Variants in XPC observed in about 807,000 individuals in gnomAD.
XPC encodes the protein DNA repair protein complementing XP-C cells.
In XPC, 76 loss-of-function variants were observed where a neutral mutation model predicts 95.8. The ratio of observed to expected loss-of-function variants is 0.79; its 90% CI spans 0.66 to 0.96. XPC has a LOEUF of 0.96. XPC is among the 40% of genes least tolerant of loss of function. XPC has a pLI of 0.00. For synonymous variants in XPC, 442 were observed against 442.1 expected, an observed-to-expected ratio of 1.00 and a Z score of 0.00; for missense variants, 1,146 against 1,179.8, an observed-to-expected ratio of 0.97 and a Z score of 0.42.
chr3:14,172,441 A>C (rs1162420584), intron 2 of XPC, among the ~76,000 whole-genome samples: 2 of 152,228 alleles, frequency 1.3e-5, no homozygotes, highest in African/African-American at 4.8e-5. Context: ...GAATACCATG[A>C]GCACAATGCA....
intron 1 of XPC, among the ~76,000 whole-genome samples, chr3:14,178,140 C>CTGG (rs1696910462): frequency 1.3e-5 from 2 of 152,208 alleles, no homozygotes; most frequent in African/African-American, 4.8e-5. Context: ...CGTCCTGGTC[C>CTGG]GTCCGTCTGT....
intron 2 of XPC, among the ~76,000 whole-genome samples, chr3:14,172,004 G>T (rs574592149): frequency 6.6e-6 from 1 of 152,216 alleles, no homozygotes; most frequent in African/African-American, 2.4e-5. Flanking sequence ...CTGGCAGTGA[G>T]GATTTGTTTA....
intron 2 of XPC, 120 bp downstream of exon 2, chr3:14,172,747 G>C: frequency 8.5e-7 from 1 of 1,178,948 alleles, no homozygotes; most frequent in Admixed American, 2.9e-5. Flanking sequence ...GTACCTAGAA[G>C]AATTTAAAGA....
At chr3:14,165,183 A>C (rs1291382878) in intron 6 of XPC, among the ~76,000 whole-genome samples, 1 of 151,570 alleles carries the variant, frequency 6.6e-6, no homozygotes, top group African/African-American at 2.4e-5. Flanking sequence ...TCCCCAGAAC[A>C]CCCCTTCCAG....
chr3:14,145,375 C>A lies in XPC; in HGVS notation c.*566G>T. 1.4e-6 allele frequency: 1 copy of A among 700,088 alleles called. No individual in the cohort carries two copies. The highest frequency in any genetic ancestry group is 2.6e-6 in the Non-Finnish European group (1 of 384,690). The allele number at this position is 700,088 out of a possible 1,614,324, so 43.4% of individuals were successfully genotyped here. A position where few individuals can be genotyped will look rare whatever the true frequency, so the allele number is the denominator to read the frequency against. ...TGTTACTTGGAAAACTAGATCCCAG[C>A]AGATGACCTGTACTTCTCTGCTCTC... On this transcript the variant is annotated 3_prime_UTR_variant, in exon 16 of 16. Coordinates refer to ENST00000285021, the MANE Select transcript of XPC (RefSeq NM_004628.5).
At position 14,159,834 on chromosome 3, in the gene XPC, T is replaced by C. The variant is rs2125028218; in HGVS notation, c.901-4A>G. 1.3e-6 allele frequency: 2 copies of C among 1,552,556 alleles called. No homozygotes were observed. Among genetic ancestry groups the C allele is most frequent in the Non-Finnish European group, 1.7e-6 (2 of 1,147,286 alleles). The stretch of plus-strand genomic sequence containing the variant: ...CCCGGAGAATCAGTAAGAATATCTA[T>C]GATGAAAAGGAAGAACATAGTTATC... On this transcript the variant is annotated splice_polypyrimidine_tract_variant and splice_region_variant and intron_variant, in intron 7 of 15. Transcript: ENST00000285021.
chr3:14,147,614 G>C (rs1412922080), intron 14 of XPC: 1 of 603,628 alleles, frequency 1.7e-6, no homozygotes, highest in African/African-American at 1.9e-5. Context: ...AAAATCTTTA[G>C]TGGGTGAGGT....
rs756095054 is a variant in XPC at position 14,158,815 on chromosome 3, G to A, written c.1068C>T (p.Asn356=). The A allele has an allele frequency of 2.5e-6, 4 of 1,613,902 alleles. No homozygotes were observed. Among genetic ancestry groups the A allele is most frequent in the East Asian group, 2.2e-5 (1 of 44,868 alleles). The change falls in exon 9 of 16, where the codon AAC becomes AAT. Residue 356 remains asparagine, a synonymous_variant. Transcript: ENST00000285021. This position sits in a 1 kb window ranked among gnomAD's most constrained non-coding sequence, Gnocchi z 5.2. ...SSETSSQVLE[N]HTKPKTSKGT... is the part of the protein sequence containing the mutation. Reference sequence around the variant, plus strand: ...CTTTGCTGGTCTTTGGTTTGGTGTGGTTTTCTAGAACTTGGCTGGAAGTTT... The same window carrying A: ...CTTTGCTGGTCTTTGGTTTGGTGTGATTTTCTAGAACTTGGCTGGAAGTTT...
intron 9 of XPC, 76 bp downstream of exon 9, chr3:14,157,935 A>G: frequency 1.3e-6 from 2 of 1,516,440 alleles, no homozygotes; most frequent in Non-Finnish European, 1.8e-6. Flanking sequence ...TGCTGGGCAT[A>G]TATAAGGTGC....
intron 1 of XPC, among the ~76,000 whole-genome samples, chr3:14,174,955 T>C (rs1459096788): frequency 6.6e-6 from 1 of 152,074 alleles, no homozygotes; most frequent in African/African-American, 2.4e-5. Flanking sequence ...GAGTTCAGTG[T>C]TCTTTCAGTA....
At chr3:14,163,942 G>C (rs952640191) in intron 7 of XPC, among the ~76,000 whole-genome samples, 1 of 152,190 alleles carries the variant, frequency 6.6e-6, no homozygotes, top group African/African-American at 2.4e-5. Flanking sequence ...CCAGCTACTC[G>C]CGAGGCTGAG....
intron 3 of XPC, among the ~76,000 whole-genome samples, chr3:14,169,817 A>T (rs1696538623): frequency 6.6e-6 from 1 of 152,240 alleles, no homozygotes; most frequent in African/African-American, 2.4e-5. Context: ...GGTGAAGGAC[A>T]TATATTACAT....
chr3:14,158,235 C>T lies in XPC; in HGVS notation c.1648G>A (p.Gly550Ser), dbSNP rs1277802475. 5.6e-6 allele frequency: 9 copies of T among 1,613,954 alleles called. No homozygotes were observed. In the Admixed American group the frequency reaches 1.0e-4, roughly 18 times the overall value. The change falls in exon 9 of 16, where the codon GGT becomes AGT. Residue 550 changes from glycine to serine, a missense_variant. Coordinates refer to ENST00000285021, the MANE Select transcript of XPC (RefSeq NM_004628.5). The surrounding 1 kb of genome is among the most constrained non-coding windows in gnomAD (Gnocchi z 5.2). ...EKWVCVDCVH[G>S]VVGQPLTCYK... ...CAGGTCAGAGGCTGGCCCACCACAC[C>T]GTGCACACAGTCTACACATACCCAC...
rs1410611847 is a variant in XPC, at chr3:14,172,999, C to T, written c.167G>A (p.Arg56Lys). 5 of 1,611,888 alleles carry T rather than the reference C, an allele frequency of 3.1e-6. No individual in the cohort carries two copies. The South Asian group carries it at 3.3e-5, about 11-fold the overall frequency. ...CCCAGGATGACTGCAGCCTCTTTTC[C>T]TCTTTCCTTGTGAAACTTTGGAGAG... ...SLLSKVSQGK[R>K]KRGCSHPGGS... The change falls in exon 2 of 16, where the codon AGG (arginine) becomes AAG (lysine). Residue 56 changes from arginine to lysine, a missense_variant. By Grantham distance (26) the Arg-to-Lys change is conservative (BLOSUM62 2). Coordinates refer to ENST00000285021, the MANE Select transcript of XPC (RefSeq NM_004628.5).
chr3:14,172,811 A>C (rs1021485180), intron 2 of XPC, 56 bp downstream of exon 2: 1 of 1,562,172 alleles, frequency 6.4e-7, no homozygotes, highest in Non-Finnish European at 8.7e-7. Context: ...TTCATTATTC[A>C]CAATTCTCTG....
At chr3:14,166,186 C>T (rs1437707406) in intron 5 of XPC, among the ~76,000 whole-genome samples, 1 of 152,094 alleles carries the variant, frequency 6.6e-6, no homozygotes, top group Non-Finnish European at 1.5e-5. Context: ...GTCATTTTCC[C>T]TTCAACATTG....
Position 14,155,681 on chromosome 3 carries a change from TC to T in XPC, c.2033+653del, listed in dbSNP as rs1402540095. Among the ~76,000 whole-genome samples, 17 of 152,018 alleles carry T rather than the reference TC, an allele frequency of 1.1e-4. 1 individual carries two copies. Among genetic ancestry groups the T allele is most frequent in the Middle Eastern group, 3.4e-3 (1 of 294 alleles). ...CACGCCATTCTCCTGCCTCAGCCTC[TC>T]CGAGTCGCTGGGACTACAGGCACCC... On this transcript the variant is annotated intron_variant, in intron 10 of 15. Transcript: ENST00000285021.
intron 6 of XPC, 59 bp downstream of exon 6, chr3:14,165,363 CCAGCCT>C (rs1696332798): frequency 1.3e-6 from 2 of 1,503,728 alleles, no homozygotes; most frequent in Non-Finnish European, 1.8e-6. Context: ...TGACCTGAAC[CCAGCCT>C]CTGAGAGAAA....
intron 11 of XPC, among the ~76,000 whole-genome samples, chr3:14,151,004 A>T (rs2607734): frequency 6.6e-6 from 1 of 151,866 alleles, no homozygotes; most frequent in East Asian, 1.9e-4. Flanking sequence ...AGTGACTGAC[A>T]GGGGAATGGA....
Sources: allele counts gnomAD v4.1 joint callset (sites outside exome capture counted in the v4.1 genomes callset), GRCh38; gene constraint gnomAD v4.1.1; non-coding constraint Gnocchi (gnomAD v3.1); transcripts MANE v1.5; gene names NCBI Gene and HGNC (gene_info 2026-07-23, HGNC 2026-07-21).